TTLL5: variants seen among roughly 807,000 people sequenced by gnomAD.
TTLL5 encodes tubulin tyrosine ligase like 5.
In TTLL5, 132 loss-of-function variants were observed where a neutral mutation model predicts 168.4. The ratio of observed to expected loss-of-function variants is 0.78; its 90% CI spans 0.68 to 0.91. TTLL5 has a LOEUF of 0.91. Ranked by LOEUF, TTLL5 falls within the 40% of genes least tolerant of loss-of-function variation. The pLI, the probability that TTLL5 is intolerant of heterozygous loss-of-function variation, is 0.00. For missense variants in TTLL5, 1,545 were observed against 1,581.5 expected (o/e 0.98, Z 0.39); for synonymous variants, 546 against 558.6 (o/e 0.98, Z 0.32).
At chr14:75,848,870 T>A (rs542367101) in intron 28 of TTLL5, among the ~76,000 whole-genome samples, 1 of 152,338 alleles carries the variant, frequency 6.6e-6, no homozygotes, top group Admixed American at 6.5e-5. Context: ...TTTTGTTCCA[T>A]AAAGCTTGCT....
At chr14:75,861,904 G>A (rs1188733043) in intron 28 of TTLL5, among the ~76,000 whole-genome samples, 1 of 152,106 alleles carries the variant, frequency 6.6e-6, no homozygotes, top group African/African-American at 2.4e-5. Flanking sequence ...CAATTCAGTG[G>A]TATTTAGTAC....
chr14:75,714,557 A>C (rs189797424), intron 9 of TTLL5, among the ~76,000 whole-genome samples: 9 of 152,256 alleles, frequency 5.9e-5, no homozygotes, highest in African/African-American at 1.9e-4. Context: ...ATTTATACCA[A>C]TGCAGACTCA....
At chr14:75,902,416 T>C in intron 31 of TTLL5, 192 bp downstream of exon 31, 1 of 683,434 alleles carries the variant, frequency 1.5e-6, no homozygotes, top group Admixed American at 2.2e-5. Flanking sequence ...AAATAGGCAT[T>C]TTCTGGAACT....
At chr14:75,790,456 TTTTC>T (rs1245367239) in intron 26 of TTLL5, among the ~76,000 whole-genome samples, 1 of 151,664 alleles carries the variant, frequency 6.6e-6, no homozygotes, top group Non-Finnish European at 1.5e-5. Context: ...TCAACAGGAA[TTTTC>T]TTTCTTTTTT....
chr14:75,847,914 G>C (rs988927548), intron 28 of TTLL5, among the ~76,000 whole-genome samples: 1 of 151,136 alleles, frequency 6.6e-6, no homozygotes, highest in African/African-American at 2.4e-5. Context: ...GTTGCTGGTG[G>C]TCCGGTAAGA....
chr14:75,844,792 C>T (rs1400091326), intron 28 of TTLL5, among the ~76,000 whole-genome samples: 1 of 152,108 alleles, frequency 6.6e-6, no homozygotes, highest in Non-Finnish European at 1.5e-5. Flanking sequence ...TTTTTTTTAG[C>T]CTTTTCATTG....
chr14:75,726,343 T>C (rs569947662), intron 12 of TTLL5, among the ~76,000 whole-genome samples: 133 of 152,320 alleles, frequency 8.7e-4, no homozygotes, highest in Non-Finnish European at 1.7e-3. Flanking sequence ...CAGGGTTATT[T>C]TGTAGGAAGT....
intron 29 of TTLL5, among the ~76,000 whole-genome samples, chr14:75,871,548 T>C (rs2031034393): frequency 6.6e-6 from 1 of 151,052 alleles, no homozygotes; most frequent in Admixed American, 6.6e-5. Context: ...CTATATACTC[T>C]CGTATACACA....
intron 28 of TTLL5, among the ~76,000 whole-genome samples, chr14:75,820,968 A>C (rs1894798904): frequency 6.6e-6 from 1 of 152,174 alleles, no homozygotes; most frequent in African/African-American, 2.4e-5. Context: ...CTCCAACCAA[A>C]GAAGTTTTAC....
At chr14:75,895,151 A>G (rs542650006) in intron 30 of TTLL5, among the ~76,000 whole-genome samples, 1 of 152,220 alleles carries the variant, frequency 6.6e-6, no homozygotes, top group Non-Finnish European at 1.5e-5. Flanking sequence ...GGGGTATGTC[A>G]TGGGCGAAAT....
intron 31 of TTLL5, among the ~76,000 whole-genome samples, chr14:75,942,447 T>G (rs2034639676): frequency 6.6e-6 from 1 of 152,220 alleles, no homozygotes; most frequent in African/African-American, 2.4e-5. Context: ...TGTGAAAATT[T>G]GTAAGATGCG....
intron 27 of TTLL5, among the ~76,000 whole-genome samples, chr14:75,818,123 C>G (rs1168860932): frequency 1.3e-5 from 2 of 152,102 alleles, no homozygotes; most frequent in African/African-American, 4.8e-5. Context: ...TAGGCGTGAG[C>G]CACCGTGCCC....
chr14:75,757,143 G>C (rs1452781946), intron 18 of TTLL5, among the ~76,000 whole-genome samples: 1 of 151,958 alleles, frequency 6.6e-6, no homozygotes, highest in African/African-American at 2.4e-5. Flanking sequence ...ACGCCTGGCT[G>C]ATTTTCTGTA....
At chr14:75,906,835 G>T (rs1043640115) in intron 31 of TTLL5, among the ~76,000 whole-genome samples, 54 of 152,292 alleles carry the variant, frequency 3.5e-4, no homozygotes, top group Non-Finnish European at 4.4e-4. Flanking sequence ...CTCCCAAACT[G>T]GGTCAAAGTT....
chr14:75,709,171 T>G (rs1886869788), intron 9 of TTLL5: 1 of 760,862 alleles, frequency 1.3e-6, no homozygotes, highest in African/African-American at 1.7e-5. Context: ...TATGTTTCTG[T>G]ATTTTAGAAA....
intron 31 of TTLL5, among the ~76,000 whole-genome samples, chr14:75,908,093 C>G (rs762832339): frequency 3.9e-5 from 6 of 152,258 alleles, no homozygotes; most frequent in Non-Finnish European, 8.8e-5. Flanking sequence ...ACATTTTGAT[C>G]TCTGTTGCAG....
chr14:75,717,640 A>T (rs1258221280), intron 9 of TTLL5, among the ~76,000 whole-genome samples: 1 of 152,168 alleles, frequency 6.6e-6, no homozygotes, highest in Non-Finnish European at 1.5e-5. Flanking sequence ...TCTGTTTTTC[A>T]ACTTGGATAC....
chr14:75,779,811 G>A, intron 24 of TTLL5, 109 bp downstream of exon 24: 1 of 1,144,320 alleles, frequency 8.7e-7, no homozygotes, highest in South Asian at 2.1e-5. Context: ...AGTCCCCAAG[G>A]TAATGAGACT....
At chr14:75,770,203 A>G (rs1187599919) in intron 20 of TTLL5, among the ~76,000 whole-genome samples, 1 of 151,618 alleles carries the variant, frequency 6.6e-6, no homozygotes, top group Non-Finnish European at 1.5e-5. Flanking sequence ...AAAAAAGAAA[A>G]TATAAGTGTA....
Sources: allele counts gnomAD v4.1 joint callset (sites outside exome capture counted in the v4.1 genomes callset), GRCh38; gene constraint gnomAD v4.1.1; transcripts MANE v1.5; gene names NCBI Gene and HGNC (gene_info 2026-07-23, HGNC 2026-07-21).